The following GNAI1 variants were observed in gnomAD, a reference collection of about 807,000 sequenced individuals.
GNAI1 encodes the protein guanine nucleotide-binding protein G(i) subunit alpha-1.
Under a neutral mutation model 38.9 loss-of-function variants are expected in GNAI1, and 11 were observed. The observed-to-expected ratio is 0.28, with a 90% CI of 0.18 to 0.47. The LOEUF (loss-of-function observed/expected upper bound fraction) is 0.47. GNAI1 is among the 20% of genes least tolerant of loss of function. GNAI1 has a pLI of 0.99. For synonymous variants in GNAI1, 166 were observed against 145.1 expected (o/e 1.14, Z -1.04); for missense variants, 317 against 436.9 (o/e 0.73, Z 2.45).
At chr7:80,184,400 G>C (rs564735265) in intron 1 of GNAI1, among the ~76,000 whole-genome samples, 56 of 152,266 alleles carry the variant, frequency 3.7e-4, no homozygotes, top group African/African-American at 1.3e-3. Context: ...GGGGTGGGCT[G>C]TTCACATGCG....
At chr7:80,215,247 T>C (rs1333796321) in intron 7 of GNAI1, among the ~76,000 whole-genome samples, 1 of 152,186 alleles carries the variant, frequency 6.6e-6, no homozygotes, top group Non-Finnish European at 1.5e-5. Context: ...CATTCATATG[T>C]GTTGTAGCTT....
chr7:80,173,690 C>T (rs1788135123), intron 1 of GNAI1, among the ~76,000 whole-genome samples: 1 of 152,148 alleles, frequency 6.6e-6, no homozygotes, highest in Non-Finnish European at 1.5e-5. Flanking sequence ...CCTCCCTAGT[C>T]TCAGAGGTGA....
chr7:80,159,676 T>C (rs571566480), intron 1 of GNAI1, among the ~76,000 whole-genome samples: 12 of 152,338 alleles, frequency 7.9e-5, no homozygotes, highest in African/African-American at 2.9e-4. Flanking sequence ...CCTGTTTGGA[T>C]GGTGGAGAAT....
chr7:80,170,174 T>C (rs910172397), intron 1 of GNAI1, among the ~76,000 whole-genome samples: 1 of 152,214 alleles, frequency 6.6e-6, no homozygotes, highest in Non-Finnish European at 1.5e-5. Flanking sequence ...TTGTTGTGTA[T>C]GTATGTAGGA....
intron 1 of GNAI1, among the ~76,000 whole-genome samples, chr7:80,142,403 C>T (rs1172622030): frequency 6.6e-6 from 1 of 152,216 alleles, no homozygotes; most frequent in Non-Finnish European, 1.5e-5. Flanking sequence ...TAAAGCTTTT[C>T]TTTGCCTCTT....
intron 1 of GNAI1, among the ~76,000 whole-genome samples, chr7:80,150,334 C>T (rs1178799545): frequency 6.6e-6 from 1 of 152,064 alleles, no homozygotes; most frequent in Admixed American, 6.6e-5. Context: ...AGGGTATATA[C>T]TGAAAGTGAA....
intron 3 of GNAI1, among the ~76,000 whole-genome samples, chr7:80,192,701 G>A (rs538562579): frequency 3.3e-5 from 5 of 151,932 alleles, no homozygotes; most frequent in African/African-American, 1.2e-4. Context: ...TTTTTTTTCT[G>A]TTTGTTTTTT....
intron 6 of GNAI1, 93 bp downstream of exon 6, chr7:80,211,191 G>GACCCTGTACTTTCAAA: frequency 9.4e-7 from 1 of 1,066,514 alleles, no homozygotes; most frequent in South Asian, 1.6e-5. Context: ...CAATTTGAAA[G>GACCCTGTACTTTCAAA]TACAGGGTCT....
At chr7:80,139,741 A>C (rs1280011133) in intron 1 of GNAI1, among the ~76,000 whole-genome samples, 1 of 152,228 alleles carries the variant, frequency 6.6e-6, no homozygotes, top group Admixed American at 6.5e-5. Context: ...TGATGACCAC[A>C]GTGAACACAT....
At position 80,145,509 on chromosome 7, in the gene GNAI1, C is replaced by T. The variant is rs538533853; in HGVS notation, c.118+10231C>T. Among the ~76,000 whole-genome samples the T allele has an allele frequency of 1.3e-4, 20 of 152,168 alleles. No homozygotes were observed. In the East Asian group the frequency reaches 3.3e-3, roughly 25 times the overall value. Reference sequence around the variant, plus strand: ...ACACATTTTCTAGGTTCATTTTTATCCAGTTGGTAATAACTAATCTACCTA... The same window carrying T: ...ACACATTTTCTAGGTTCATTTTTATTCAGTTGGTAATAACTAATCTACCTA... On this transcript the variant is annotated intron_variant, in intron 1 of 7. Coordinates refer to ENST00000649796, the MANE Select transcript of GNAI1 (RefSeq NM_002069.6).
chr7:80,149,514 T>C (rs1183433792), intron 1 of GNAI1, among the ~76,000 whole-genome samples: 4 of 152,142 alleles, frequency 2.6e-5, no homozygotes, highest in Admixed American at 2.0e-4. Flanking sequence ...TTCTTGTAAT[T>C]ATCTGCACTA....
chr7:80,150,311 GAATA>G (rs1787701290), intron 1 of GNAI1, among the ~76,000 whole-genome samples: 1 of 152,070 alleles, frequency 6.6e-6, no homozygotes, highest in Non-Finnish European at 1.5e-5. Context: ...GAGCAGGAAT[GAATA>G]AATAAATGAG....
intron 1 of GNAI1, 110 bp from the exon 2 acceptor site, chr7:80,188,841 A>G: frequency 1.4e-6 from 1 of 730,090 alleles, no homozygotes; most frequent in East Asian, 2.7e-5. Flanking sequence ...AGGTAGACAC[A>G]CAGAGAGAGA....
chr7:80,195,800 T>C (rs1007580421), intron 3 of GNAI1, among the ~76,000 whole-genome samples: 3 of 152,036 alleles, frequency 2.0e-5, no homozygotes, highest in Admixed American at 2.0e-4. Context: ...TTAAAAACTC[T>C]GTCATTCCCC....
At chr7:80,189,294 C>T (rs1788440249) in intron 3 of GNAI1, 63 bp downstream of exon 3, 1 of 1,363,874 alleles carries the variant, frequency 7.3e-7, no homozygotes, top group Non-Finnish European at 1.0e-6. Context: ...TATGCTAATA[C>T]CATACTGTGT....
chr7:80,205,444 C>T (rs1037739382), intron 5 of GNAI1, among the ~76,000 whole-genome samples: 2 of 152,036 alleles, frequency 1.3e-5, no homozygotes, highest in Non-Finnish European at 2.9e-5. Flanking sequence ...AAATTGAGCA[C>T]ACTCCAGTTG....
At position 80,207,044 on chromosome 7, in the gene GNAI1, T is replaced by C. The variant is rs1045166950; in HGVS notation, c.590+3212T>C. On this transcript the variant is annotated intron_variant, in intron 5 of 7. Transcript: ENST00000649796. ...GAGAAGAAAATGTGTGGAGTTGGAG[T>C]TAACAAGTAAAGATTCTAGACTTAG... is the stretch of plus-strand genomic sequence containing the variant. Among the ~76,000 whole-genome samples, 2 of 151,960 alleles carry C rather than the reference T, an allele frequency of 1.3e-5. 1 individual carries two copies. The highest frequency in any genetic ancestry group is 1.3e-4 in the Admixed American group (2 of 15,250).
Position 80,223,880 on chromosome 7 carries a change from ATCT to A in GNAI1, c.*6396_*6398del, listed in dbSNP as rs1013878653. On this transcript the variant is annotated 3_prime_UTR_variant, in exon 8 of 8. Transcript: ENST00000649796. ...AGTAAGTTACAAATTTTAACTATGAATCTTCTTCTTCGAAAGGAATCTTGTCTA... is the reference window on the plus strand; with the variant it reads ...AGTAAGTTACAAATTTTAACTATGAATCTTCTTCGAAAGGAATCTTGTCTA... Among the ~76,000 whole-genome samples the A allele has an allele frequency of 9.2e-5, 14 of 152,306 alleles. No individual in the cohort carries two copies. Among genetic ancestry groups the A allele is most frequent in the Admixed American group, 6.5e-4 (10 of 15,292 alleles).
At chr7:80,144,983 C>G (rs922663499) in intron 1 of GNAI1, among the ~76,000 whole-genome samples, 9 of 152,090 alleles carry the variant, frequency 5.9e-5, no homozygotes, top group Non-Finnish European at 1.3e-4. Flanking sequence ...AGATGGTGCT[C>G]CTCTAATTCA....
Sources: gnomAD v4.1 joint callset for allele counts (sites outside exome capture counted in the v4.1 genomes callset) on GRCh38, gnomAD v4.1.1 for gene constraint, MANE v1.5 for transcripts, NCBI Gene and HGNC (gene_info 2026-07-23, HGNC 2026-07-21) for gene names.